The following FBN3 variants were observed in gnomAD, a reference collection of about 807,000 sequenced individuals.
FBN3 encodes fibrillin 3.
A neutral mutation model predicts 330.1 loss-of-function variants in FBN3; 234 were observed. The ratio of observed to expected loss-of-function variants is 0.71; its 90% CI spans 0.64 to 0.79. The LOEUF (loss-of-function observed/expected upper bound fraction) is 0.79. Ranked by LOEUF, FBN3 falls within the 30% of genes least tolerant of loss-of-function variation. The pLI is 0.00. For synonymous variants in FBN3, 1,458 were observed against 1,517.3 expected (o/e 0.96, Z 0.91); for missense variants, 3,606 against 3,886.9 (o/e 0.93, Z 1.92).
At position 8,121,218 on chromosome 19, in the gene FBN3, C is replaced by A; in HGVS notation, c.3211+40G>T. 1.3e-6 allele frequency: 2 copies of A among 1,549,426 alleles called. No individual in the cohort carries two copies. The highest frequency in any genetic ancestry group is 1.8e-6 in the Non-Finnish European group (2 of 1,142,840). ...CTCCCTCTCCTCAATGCCCTCCCTGCCCAGGGCGCCCACCACACCCCTGCC... is the reference window on the plus strand; with the variant it reads ...CTCCCTCTCCTCAATGCCCTCCCTGACCAGGGCGCCCACCACACCCCTGCC... On this transcript the variant is annotated intron_variant, in intron 25 of 63. Coordinates refer to ENST00000600128, the MANE Select transcript of FBN3 (RefSeq NM_032447.5). The surrounding 1 kb of genome is among the most constrained non-coding windows in gnomAD (Gnocchi z 4.5).
At position 8,145,876 on chromosome 19, in the gene FBN3, G is replaced by A. The variant is rs766189269; in HGVS notation, c.412C>T (p.Gln138Ter). 9.0e-5 allele frequency: 139 copies of A among 1,551,032 alleles called. No individual in the cohort carries two copies. Among genetic ancestry groups the A allele is most frequent in the Non-Finnish European group, 1.1e-4 (131 of 1,146,952 alleles). ...CACACGGTGCCTGTGTAGCCCTTCT[G>A]ACACAGACAGGACGCCCCCCGGCAG... ...GTCRGASCLC[Q>*]KGYTGTVCGQ... The change falls in exon 5 of 64, where the codon CAG (glutamine) becomes TAG (stop). Residue 138 changes from glutamine to a stop codon, truncating the protein, a stop_gained. Transcript: ENST00000600128. LOFTEE classifies it high-confidence loss of function.
chr19:8,120,165 C>CT (rs34799960), intron 25 of FBN3, among the ~76,000 whole-genome samples: 29,211 of 127,836 alleles, frequency 0.23, 3,353 homozygotes, highest in South Asian at 0.37. Flanking sequence ...TTCTTTCTTT[C>CT]TTTTTTTTTT....
chr19:8,083,837 C>G (rs1297852145), intron 56 of FBN3, among the ~76,000 whole-genome samples: 9 of 142,608 alleles, frequency 6.3e-5, no homozygotes, highest in Non-Finnish European at 1.1e-4. Flanking sequence ...GAGTCTCGCT[C>G]TGTCGCCCAG....
intron 3 of FBN3, 121 bp downstream of exon 3, chr19:8,146,983 A>G: frequency 1.1e-6 from 1 of 881,588 alleles, no homozygotes; most frequent in South Asian, 1.5e-5. Context: ...TGCAAGGGCC[A>G]TTCCTGTGGT....
chr19:8,089,349 A>G (rs1227165481), intron 51 of FBN3, among the ~76,000 whole-genome samples, 196 bp downstream of exon 51: 2 of 152,260 alleles, frequency 1.3e-5, no homozygotes, highest in African/African-American at 2.4e-5. Flanking sequence ...GAGTGAATGA[A>G]TGAGCAAGAA....
chr19:8,127,858 G>A (rs889565997), intron 18 of FBN3, among the ~76,000 whole-genome samples: 2 of 152,174 alleles, frequency 1.3e-5, no homozygotes, highest in African/African-American at 4.8e-5. Flanking sequence ...GCACACGCCT[G>A]TAGTCCGGGC....
chr19:8,121,364 A>G lies in FBN3; in HGVS notation c.3105T>C (p.Ser1035=), dbSNP rs2144896541. 6.2e-7 allele frequency: 1 copy of G among 1,610,666 alleles called. No individual in the cohort carries two copies. Among genetic ancestry groups the G allele is most frequent in the Non-Finnish European group, 8.5e-7 (1 of 1,178,372 alleles). ...NCTDIDECRI[S]PDLCGQGTCV... is the part of the protein sequence containing the mutation. ...AGGTGCCCTGGCCGCAGAGGTCAGG[A>G]GAGATGCGACACTCGTCGATATCTG... is the stretch of plus-strand genomic sequence containing the variant. The change falls in exon 25 of 64, where the codon TCT becomes TCC. Residue 1035 remains serine, a synonymous_variant. Coordinates refer to ENST00000600128, the MANE Select transcript of FBN3 (RefSeq NM_032447.5). The surrounding 1 kb of genome is among the most constrained non-coding windows in gnomAD (Gnocchi z 4.5).
intron 63 of FBN3, among the ~76,000 whole-genome samples, chr19:8,066,734 C>G (rs1454871174): frequency 6.6e-6 from 1 of 152,112 alleles, no homozygotes. Flanking sequence ...CAAAAATTAG[C>G]TGGGCGTGGT....
chr19:8,087,598 ATTTTT>A (rs35631767), intron 53 of FBN3, among the ~76,000 whole-genome samples: 58 of 75,448 alleles, frequency 7.7e-4, no homozygotes, highest in Non-Finnish European at 9.3e-4. Flanking sequence ...GCATTGCAGG[ATTTTT>A]TTTTTTTTTT....
Position 8,115,505 on chromosome 19 carries a change from G to C in FBN3, c.3838+10C>G. On this transcript the variant is annotated intron_variant, in intron 30 of 63. Coordinates refer to ENST00000600128, the MANE Select transcript of FBN3 (RefSeq NM_032447.5). ...GTCCCCTCTGCCTGCACCGCTGACC[G>C]CCGGCTCACCAGAGCAGCCTGTGGC... The C allele has an allele frequency of 6.2e-7, 1 of 1,613,024 alleles. No individual in the cohort carries two copies. Among genetic ancestry groups the C allele is most frequent in the East Asian group, 2.2e-5 (1 of 44,844 alleles).
chr19:8,077,618 G>A (rs941819484), intron 59 of FBN3, among the ~76,000 whole-genome samples: 5 of 152,034 alleles, frequency 3.3e-5, no homozygotes, highest in Admixed American at 3.3e-4. Context: ...CAGCCTGGGC[G>A]ACAGAGTGAG....
chr19:8,072,161 G>T lies in FBN3; in HGVS notation c.7975C>A (p.Gln2659Lys). Residue 2659 changes from glutamine (Q) to lysine (K), a missense_variant, in exon 63 of 64, where the codon CAG (glutamine) becomes AAG (lysine). Transcript: ENST00000600128. ...VSGLGFSPGP[Q>K]DTPDKEELLS... ...AGCTCCTCTTTGTCCGGGGTGTCCTGGGGTCCGGGGCTGAAGCCCAGGCCG... is the reference window on the plus strand; with the variant it reads ...AGCTCCTCTTTGTCCGGGGTGTCCTTGGGTCCGGGGCTGAAGCCCAGGCCG... The T allele has an allele frequency of 6.3e-7, 1 of 1,592,952 alleles. No homozygotes were observed.
chr19:8,144,818 GAA>G, intron 6 of FBN3, 57 bp downstream of exon 6: 1 of 1,404,352 alleles, frequency 7.1e-7, no homozygotes, highest in Non-Finnish European at 9.8e-7. Flanking sequence ...GGACTTCCAG[GAA>G]ACCCCCTTTC....
Position 8,097,946 on chromosome 19 carries a change from G to A in FBN3, c.5162-532C>T, listed in dbSNP as rs1362169175. On this transcript the variant is annotated intron_variant, in intron 41 of 63. Coordinates refer to ENST00000600128, the MANE Select transcript of FBN3 (RefSeq NM_032447.5). Reference sequence around the variant, plus strand: ...TGTCCAGAAGTAGCAAATCAATAGAGACAGAAAGTCGATTTGTGGTTGCCA... The same window carrying A: ...TGTCCAGAAGTAGCAAATCAATAGAAACAGAAAGTCGATTTGTGGTTGCCA... Among the ~76,000 whole-genome samples the A allele has an allele frequency of 2.6e-5, 4 of 152,210 alleles. No homozygotes were observed. In the East Asian group the frequency reaches 7.7e-4, roughly 29 times the overall value.
chr19:8,079,617 C>T (rs1478230379), intron 59 of FBN3, among the ~76,000 whole-genome samples: 2 of 150,428 alleles, frequency 1.3e-5, no homozygotes, highest in East Asian at 3.9e-4. Flanking sequence ...TGTTTGTTTT[C>T]GAGACAGAGT....
At chr19:8,146,536 G>T (rs2145070978) in intron 3 of FBN3, among the ~76,000 whole-genome samples, 1 of 152,290 alleles carries the variant, frequency 6.6e-6, no homozygotes, top group East Asian at 1.9e-4. Context: ...TGGATACTGA[G>T]GTTGGGTGTC....
intron 51 of FBN3, among the ~76,000 whole-genome samples, chr19:8,089,330 TAAG>T (rs1368975332): frequency 2.6e-5 from 4 of 152,038 alleles, no homozygotes; most frequent in Non-Finnish European, 5.9e-5. Flanking sequence ...AGTAAATGAA[TAAG>T]TGAGTGAGTG....
At chr19:8,113,328 A>G (rs1194854020) in intron 30 of FBN3, among the ~76,000 whole-genome samples, 1 of 152,118 alleles carries the variant, frequency 6.6e-6, no homozygotes, top group African/African-American at 2.4e-5. Context: ...GTGCAGTGCA[A>G]TGGTGCAATC....
In FBN3 at chr19:8,073,309, AAGG is replaced by A. The variant is rs773656874; in HGVS notation, c.7703-15_7703-13del. 5.4e-5 allele frequency: 87 copies of A among 1,607,948 alleles called. 1 individual carries two copies. The South Asian group carries it at 9.0e-4, about 17-fold the overall frequency. ...ACACTCATTCTCATCTGTGGGAGGA[AAGG>A]AGGAGGAGAGGGAGGACGCAGAGGT... On this transcript the variant is annotated splice_polypyrimidine_tract_variant and intron_variant, in intron 61 of 63. Transcript: ENST00000600128.
Sources: allele counts gnomAD v4.1 joint callset (sites outside exome capture counted in the v4.1 genomes callset), GRCh38; gene constraint gnomAD v4.1.1; non-coding constraint Gnocchi (gnomAD v3.1); transcripts MANE v1.5; gene names NCBI Gene and HGNC (gene_info 2026-07-23, HGNC 2026-07-21).